The following HRH1 variants were observed in gnomAD, a reference collection of about 807,000 sequenced individuals.
The protein encoded by HRH1 is histamine H1 receptor.
Under a neutral mutation model 10.3 loss-of-function variants are expected in HRH1, and 6 were observed. The ratio of observed to expected loss-of-function variants is 0.58; its 90% CI spans 0.32 to 1.15. HRH1 has a LOEUF of 1.15. Ranked by LOEUF, HRH1 falls within the 50% of genes most tolerant of loss-of-function variation. HRH1 has a pLI of 0.05. For synonymous variants in HRH1, 242 were observed against 236.7 expected, an observed-to-expected ratio of 1.02 and a Z score of -0.21; for missense variants, 514 against 615.3, an observed-to-expected ratio of 0.84 and a Z score of 1.74.
intron 1 of HRH1, among the ~76,000 whole-genome samples, chr3:11,258,376 G>A (rs565284380): frequency 6.6e-5 from 10 of 152,228 alleles, no homozygotes; most frequent in African/African-American, 2.4e-4. Flanking sequence ...CCCTAGGCTG[G>A]CATTTTCTTG....
chr3:11,238,742 T>G (rs938321780), intron 1 of HRH1, among the ~76,000 whole-genome samples: 5 of 152,228 alleles, frequency 3.3e-5, no homozygotes, highest in Admixed American at 1.3e-4. Flanking sequence ...TCTCTATAAA[T>G]TTGCCAATTC....
In HRH1 at chr3:11,261,836, C is replaced by CA. The variant is rs34162964; in HGVS notation, c.*1346dup. 0.043 allele frequency: 6,710 copies of CA among 155,318 alleles called. 135 individuals carry two copies. The highest frequency in any genetic ancestry group is 0.058 in the African/African-American group (2,291 of 39,830). 9.6% of individuals were successfully genotyped at this position (155,318 alleles called of 1,614,324 possible). ...TGGGCAACAGAGCAAGACTCTGTCT[C>CA]AAAAAAAAAAATACAATATTTTAAC... On this transcript the variant is annotated 3_prime_UTR_variant, in exon 2 of 2. Transcript: ENST00000431010.
chr3:11,187,990 T>A (rs1022104778), intron 1 of HRH1, among the ~76,000 whole-genome samples: 22 of 152,194 alleles, frequency 1.4e-4, no homozygotes, highest in African/African-American at 5.1e-4. Flanking sequence ...CTTTCCTGTG[T>A]ATAACATAGA....
At chr3:11,152,197 C>T (rs1464650034), upstream of HRH1, among the ~76,000 whole-genome samples, 1 of 152,186 alleles carries the variant, frequency 6.6e-6, no homozygotes, top group Non-Finnish European at 1.5e-5. Flanking sequence ...TGTGAGGAAT[C>T]GGTGCATTAT....
chr3:11,251,322 G>C (rs532669678), intron 1 of HRH1, among the ~76,000 whole-genome samples: 1 of 152,302 alleles, frequency 6.6e-6, no homozygotes, highest in Admixed American at 6.5e-5. Context: ...TATGGACTAA[G>C]TTTTGGCCTT....
chr3:11,200,837 G>C (rs1258929110), intron 1 of HRH1, among the ~76,000 whole-genome samples: 1 of 152,148 alleles, frequency 6.6e-6, no homozygotes, highest in Non-Finnish European at 1.5e-5. Flanking sequence ...AAATGGGAAG[G>C]CTGGACTAGA....
At position 11,249,804 on chromosome 3, in the gene HRH1, C is replaced by T. The variant is rs543367146; in HGVS notation, c.-35-9199C>T. The stretch of plus-strand genomic sequence containing the variant: ...AACGGAATCTCCGTTAAAATCTTCC[C>T]AGACTAATTGATCCCGGTTAACAGA... On this transcript the variant is annotated intron_variant, in intron 1 of 1. Coordinates refer to ENST00000431010, the MANE Select transcript of HRH1 (RefSeq NM_001098212.2). Among the ~76,000 whole-genome samples the T allele has an allele frequency of 5.0e-4, 76 of 152,056 alleles. 1 individual carries two copies. Among genetic ancestry groups the T allele is most frequent in the Non-Finnish European group, 5.1e-4 (35 of 68,014 alleles).
intron 1 of HRH1, among the ~76,000 whole-genome samples, chr3:11,245,317 C>T (rs1939450005): frequency 6.6e-6 from 1 of 151,472 alleles, no homozygotes; most frequent in African/African-American, 2.4e-5. Flanking sequence ...CATGCCACTG[C>T]ACTCCAGCCT....
At chr3:11,219,629 C>T (rs1387965750) in intron 1 of HRH1, among the ~76,000 whole-genome samples, 1 of 145,684 alleles carries the variant, frequency 6.9e-6, no homozygotes, top group Non-Finnish European at 1.5e-5. Flanking sequence ...AGGAGAATCG[C>T]TTGGACCCGG....
chr3:11,237,595 A>G (rs1939215670), intron 1 of HRH1, among the ~76,000 whole-genome samples: 1 of 150,870 alleles, frequency 6.6e-6, no homozygotes, highest in African/African-American at 2.4e-5. Flanking sequence ...ATTGAGGATT[A>G]AACGATGCAA....
intron 1 of HRH1, among the ~76,000 whole-genome samples, chr3:11,202,525 C>G (rs1937968337): frequency 6.6e-6 from 1 of 152,138 alleles, no homozygotes; most frequent in South Asian, 2.1e-4. Flanking sequence ...CATCCTGACC[C>G]TATGTGGTAT....
chr3:11,230,782 G>A (rs1414155128), intron 1 of HRH1, among the ~76,000 whole-genome samples: 1 of 152,174 alleles, frequency 6.6e-6, no homozygotes, highest in African/African-American at 2.4e-5. Context: ...TGCGGCCAAG[G>A]TATCAATATG....
rs80104792 is a variant in HRH1, at chr3:11,206,567, T to C, written c.-36+52013T>C. ...ACGTCATTGTTATTATAGCTAAGAT[T>C]TGTGGACTGTTCACTGTGCCAGGTG... On this transcript the variant is annotated intron_variant, in intron 1 of 1. Coordinates refer to ENST00000431010, the MANE Select transcript of HRH1 (RefSeq NM_001098212.2). Among the ~76,000 whole-genome samples the C allele has an allele frequency of 5.4e-4, 82 of 152,382 alleles. 1 individual carries two copies. In the East Asian group the frequency reaches 0.015, roughly 28 times the overall value.
At chr3:11,213,384 A>G (rs1030102294) in intron 1 of HRH1, among the ~76,000 whole-genome samples, 4 of 152,248 alleles carry the variant, frequency 2.6e-5, no homozygotes, top group African/African-American at 9.6e-5. Context: ...CCTCAATAAA[A>G]TGGACATGGC....
At chr3:11,167,214 G>T (rs1407022081) in intron 1 of HRH1, among the ~76,000 whole-genome samples, 2 of 116,328 alleles carry the variant, frequency 1.7e-5, no homozygotes, top group Non-Finnish European at 1.8e-5. Context: ...CTGTCCCCTG[G>T]CTTCTCCAGG....
intron 1 of HRH1, among the ~76,000 whole-genome samples, chr3:11,229,565 G>A (rs1001914483): frequency 3.3e-5 from 5 of 152,150 alleles, no homozygotes; most frequent in African/African-American, 9.7e-5. Flanking sequence ...GTCTTAACTT[G>A]TATATTTCAG....
At chr3:11,185,071 A>G (rs551380968) in intron 1 of HRH1, among the ~76,000 whole-genome samples, 2 of 151,466 alleles carry the variant, frequency 1.3e-5, no homozygotes, top group East Asian at 3.9e-4. Context: ...GTAGCTTCCC[A>G]TTGTATCATG....
intron 1 of HRH1, among the ~76,000 whole-genome samples, chr3:11,203,860 G>C (rs1431689188): frequency 2.0e-5 from 3 of 152,116 alleles, no homozygotes; most frequent in Non-Finnish European, 4.4e-5. Context: ...TTCATAATCA[G>C]TTTGCTTATA....
At chr3:11,143,973 AG>A (rs1936350343) in intron 1 of HRH1, among the ~76,000 whole-genome samples, 1 of 152,340 alleles carries the variant, frequency 6.6e-6, no homozygotes, top group Admixed American at 6.5e-5. Flanking sequence ...TAATCATCAG[AG>A]AAATGCAAAT....
Sources: allele counts gnomAD v4.1 joint callset (sites outside exome capture counted in the v4.1 genomes callset), GRCh38; gene constraint gnomAD v4.1.1; transcripts MANE v1.5; gene names NCBI Gene and HGNC (gene_info 2026-07-23, HGNC 2026-07-21).